Variants in EPS8L2 observed in about 807,000 individuals in gnomAD.
EPS8L2 encodes epidermal growth factor receptor kinase substrate 8-like protein 2.
EPS8L2 carries 81 observed loss-of-function variants against 99.4 expected under a neutral mutation model. That is an observed-to-expected ratio of 0.82 (90% CI 0.68 to 0.98). EPS8L2 has a LOEUF of 0.98. Among genes scored for constraint, EPS8L2 ranks in the 50% least tolerant of loss-of-function variants. EPS8L2 has a pLI of 0.00. For synonymous variants in EPS8L2, 509 were observed against 407.3 expected, an observed-to-expected ratio of 1.25 and a Z score of -3.01; for missense variants, 1,155 against 968.8, an observed-to-expected ratio of 1.19 and a Z score of -2.55.
At chr11:711,391 G>A (rs1032065991) in intron 4 of EPS8L2, among the ~76,000 whole-genome samples, 1 of 151,798 alleles carries the variant, frequency 6.6e-6, no homozygotes, top group East Asian at 1.9e-4. Flanking sequence ...AGGTGCCCAG[G>A]CTGGAGTGCA....
At position 720,842 on chromosome 11, in the gene EPS8L2, C is replaced by T; in HGVS notation, c.490C>T (p.His164Tyr). The T allele has an allele frequency of 2.6e-6, 4 of 1,541,402 alleles. No individual in the cohort carries two copies. The highest frequency in any genetic ancestry group is 3.5e-6 in the Non-Finnish European group (4 of 1,145,900). ...HCDEVEAELV[H>Y]EDIESALADC... ...CCCGCTTTCCCAGGCAGAGCTGGTGCACGAGGACATCGAGAGCGCGTTGGC... is the reference window on the plus strand; with the variant it reads ...CCCGCTTTCCCAGGCAGAGCTGGTGTACGAGGACATCGAGAGCGCGTTGGC... Residue 164 changes from histidine (H) to tyrosine (Y), a missense_variant, in exon 7 of 21, where the codon CAC becomes TAC. Coordinates refer to ENST00000318562, the MANE Select transcript of EPS8L2 (RefSeq NM_022772.4).
At chr11:720,483 T>G in intron 5 of EPS8L2, 114 bp from the exon 6 acceptor site, 1 of 1,487,626 alleles carries the variant, frequency 6.7e-7, no homozygotes, top group Non-Finnish European at 9.1e-7. Context: ...TGGGAGCCCA[T>G]TCCCCAGCGG....
Position 725,761 on chromosome 11 carries a change from C to G in EPS8L2, c.1594C>G (p.Arg532Gly). 1 of 1,346,704 alleles carries G rather than the reference C, an allele frequency of 7.4e-7. No individual in the cohort carries two copies. Among genetic ancestry groups the G allele is most frequent in the Non-Finnish European group, 9.5e-7 (1 of 1,052,144 alleles). 83.4% of individuals were successfully genotyped at this position (1,346,704 alleles called of 1,614,324 possible). A position where few individuals can be genotyped will look rare whatever the true frequency, so the allele number is the denominator to read the frequency against. ...LEDGRQWWKL[R>G]SRSGQAGYVP... ...GGACGGCCGGCAGTGGTGGAAGCTG[C>G]GCAGCCGCAGCGGCCAGGCGGGGTA... Residue 532 changes from arginine (R) to glycine (G), a missense_variant, in exon 17 of 21, where the codon CGC becomes GGC. Arg to Gly is a moderately radical substitution (Grantham distance 125). Coordinates refer to ENST00000318562, the MANE Select transcript of EPS8L2 (RefSeq NM_022772.4).
chr11:718,870 A>G (rs1293327901), intron 4 of EPS8L2, among the ~76,000 whole-genome samples: 1 of 149,796 alleles, frequency 6.7e-6, no homozygotes, highest in Non-Finnish European at 1.5e-5. Context: ...GGGTTTCACC[A>G]TATTAGCCAG....
chr11:723,205 C>T lies in EPS8L2; in HGVS notation c.1342-36C>T, dbSNP rs751959113. On this transcript the variant is annotated intron_variant, in intron 14 of 20. Coordinates refer to ENST00000318562, the MANE Select transcript of EPS8L2 (RefSeq NM_022772.4). The stretch of plus-strand genomic sequence containing the variant: ...CCCTCGTCCTGGGACCCAGCCCCGC[C>T]CCATGTCTAACTCAGGTCGCCCACC... 5 of 1,213,242 alleles carry T rather than the reference C, an allele frequency of 4.1e-6. No homozygotes were observed. The South Asian group carries it at 6.5e-5, about 16-fold the overall frequency. 75.2% of individuals were successfully genotyped at this position (1,213,242 alleles called of 1,614,324 possible). A position where few individuals can be genotyped will look rare whatever the true frequency, so the allele number is the denominator to read the frequency against.
intron 4 of EPS8L2, among the ~76,000 whole-genome samples, chr11:714,438 C>T (rs1160381176): frequency 1.3e-5 from 2 of 151,522 alleles, no homozygotes; most frequent in Non-Finnish European, 2.9e-5. Context: ...ACCATGTTGG[C>T]AAGGCTGGTC....
chr11:725,547 G>A (rs1862290176), intron 16 of EPS8L2, among the ~76,000 whole-genome samples, 181 bp from the exon 17 acceptor site: 1 of 152,174 alleles, frequency 6.6e-6, no homozygotes, highest in African/African-American at 2.4e-5. Flanking sequence ...CTTGAGGCAG[G>A]GTGGGGGAGG....
Position 710,443 on chromosome 11 carries a change from A to G in EPS8L2, c.122A>G (p.Asn41Ser). Reference sequence around the variant, plus strand: ...TCAGAGCAGAGGAAGAAGTATTCCAACTCCAACGTCATCATGCACGAGACC... The same window carrying G: ...TCAGAGCAGAGGAAGAAGTATTCCAGCTCCAACGTCATCATGCACGAGACC... ...DLFEQRKKYS[N>S]SNVIMHETSQ... is the part of the protein sequence containing the mutation. The change falls in exon 4 of 21, where the codon AAC (asparagine) becomes AGC (serine). Residue 41 changes from asparagine (N) to serine (S), a missense_variant. Asn to Ser is a conservative substitution (Grantham distance 46). Coordinates refer to ENST00000318562, the MANE Select transcript of EPS8L2 (RefSeq NM_022772.4). 6.2e-7 allele frequency: 1 copy of G among 1,613,460 alleles called. No individual in the cohort carries two copies. The highest frequency in any genetic ancestry group is 8.5e-7 in the Non-Finnish European group (1 of 1,179,910).
intron 4 of EPS8L2, among the ~76,000 whole-genome samples, chr11:711,799 C>T (rs1195043471): frequency 6.6e-6 from 1 of 151,990 alleles, no homozygotes; most frequent in Admixed American, 6.5e-5. Context: ...GCCTGACCAA[C>T]ATGGCAAAAC....
chr11:726,242 C>T (rs973222864), intron 18 of EPS8L2, 62 bp from the exon 19 acceptor site: 88 of 1,561,538 alleles, frequency 5.6e-5, no homozygotes, highest in Non-Finnish European at 7.1e-5. Flanking sequence ...GGGGGGGGTC[C>T]CTGGGCCGGG....
chr11:726,759 C>A lies in EPS8L2; in HGVS notation c.2067+8C>A. On this transcript the variant is annotated splice_region_variant and intron_variant, in intron 20 of 20. Transcript: ENST00000318562. ...CAGAAGGCCTTCCTGGAGGTGAGCC[C>A]GCCTGCGCTCCGGCGCCACGCCCCT... The A allele has an allele frequency of 1.3e-6, 2 of 1,586,390 alleles. No individual in the cohort carries two copies. The highest frequency in any genetic ancestry group is 1.1e-5 in the South Asian group (1 of 87,416).
chr11:722,272 C>T (rs1280123125), intron 12 of EPS8L2, 107 bp downstream of exon 12: 7 of 1,532,400 alleles, frequency 4.6e-6, no homozygotes, highest in Middle Eastern at 2.2e-4. Context: ...TTGGGCAGCC[C>T]GGTTCACGCT....
intron 1 of EPS8L2, among the ~76,000 whole-genome samples, chr11:707,139 C>A (rs996407875): frequency 4.6e-5 from 7 of 151,786 alleles, no homozygotes; most frequent in Non-Finnish European, 7.4e-5. Flanking sequence ...CCTCCCCTCG[C>A]GGCCCCTCCT....
chr11:718,897 T>C (rs554664687), intron 4 of EPS8L2, among the ~76,000 whole-genome samples: 24 of 151,352 alleles, frequency 1.6e-4, no homozygotes, highest in African/African-American at 5.6e-4. Context: ...CTCAATCTCC[T>C]GACCTTGTGA....
In EPS8L2 at chr11:724,785, C is replaced by T. The variant is rs373356998; in HGVS notation, c.1516C>T (p.Arg506Ter). 4.3e-6 allele frequency: 7 copies of T among 1,613,482 alleles called. No homozygotes were observed. Among genetic ancestry groups the T allele is most frequent in the East Asian group, 4.5e-5 (2 of 44,892 alleles). ...YVKILYDFTA[R>*]NANELSVLKD... Reference sequence around the variant, plus strand: ...CAAGATCCTGTATGACTTCACAGCCCGAAATGCCAACGAGCTATCGGTGCT... The same window carrying T: ...CAAGATCCTGTATGACTTCACAGCCTGAAATGCCAACGAGCTATCGGTGCT... Residue 506 changes from arginine (R) to a stop codon, truncating the protein, a stop_gained, in exon 16 of 21, where the codon CGA (arginine) becomes TGA (stop). Transcript: ENST00000318562. LOFTEE classifies it high-confidence loss of function. This position sits in a 1 kb window ranked among gnomAD's most constrained non-coding sequence, Gnocchi z 5.5.
chr11:710,019 T>C, intron 3 of EPS8L2: 1 of 350,542 alleles, frequency 2.9e-6, no homozygotes, highest in Non-Finnish European at 5.4e-6. Context: ...ACTTATGTCT[T>C]TGGACAAGGT....
Position 720,872 on chromosome 11 carries a change from T to C in EPS8L2, c.520T>C (p.Cys174Arg), listed in dbSNP as rs1862139534. ...HEDIESALAD[C>R]RLGKKMRPQT... ...GGACATCGAGAGCGCGTTGGCCGAC[T>C]GCCGGCTGGGCAAGAAGATGCGGCC... The change falls in exon 7 of 21, where the codon TGC becomes CGC. Residue 174 changes from cysteine to arginine, a missense_variant. Transcript: ENST00000318562. 5.6e-6 allele frequency: 8 copies of C among 1,420,704 alleles called. No individual in the cohort carries two copies. Among genetic ancestry groups the C allele is most frequent in the South Asian group, 2.4e-5 (2 of 82,136 alleles). The allele number at this position is 1,420,704 out of a possible 1,614,324, so 88.0% of individuals were successfully genotyped here. A position where few individuals can be genotyped will look rare whatever the true frequency, so the allele number is the denominator to read the frequency against.
chr11:726,461 G>A lies in EPS8L2; in HGVS notation c.1911G>A (p.Leu637=). 6.3e-7 allele frequency: 1 copy of A among 1,575,308 alleles called. No individual in the cohort carries two copies. The highest frequency in any genetic ancestry group is 8.6e-7 in the Non-Finnish European group (1 of 1,162,162). Residue 637 remains leucine (L), a synonymous_variant, in exon 19 of 21, where the codon CTG becomes CTA. Transcript: ENST00000318562. ...GTCCGGACGAGGTCCGCGCCTGGCT[G>A]GAAGCCAAGGCCTTCAGCCCGCGGT... The part of the protein sequence containing the change: ...ESGPDEVRAW[L]EAKAFSPRIV...
chr11:720,317 C>A, intron 5 of EPS8L2, 94 bp downstream of exon 5: 1 of 1,349,798 alleles, frequency 7.4e-7, no homozygotes, highest in Non-Finnish European at 1.0e-6. Context: ...GTCCTCTCTG[C>A]AGGGCCGGCC....
Sources: gnomAD v4.1 joint callset for allele counts (sites outside exome capture counted in the v4.1 genomes callset) on GRCh38, gnomAD v4.1.1 for gene constraint, Gnocchi (gnomAD v3.1) non-coding constraint, MANE v1.5 for transcripts, NCBI Gene and HGNC (gene_info 2026-07-23, HGNC 2026-07-21) for gene names.